The following HK1 variants were observed in gnomAD, a reference collection of about 807,000 sequenced individuals.
HK1 encodes hexokinase 1, also known as hexokinase-1.
A neutral mutation model predicts 91.6 loss-of-function variants in HK1; 28 were observed. That is an observed-to-expected ratio of 0.31 (90% CI 0.23 to 0.42). The LOEUF (loss-of-function observed/expected upper bound fraction) is 0.42. HK1 is among the 10% of genes least tolerant of loss of function. The pLI is 1.00. For synonymous variants in HK1, 430 were observed against 468.1 expected, an observed-to-expected ratio of 0.92 and a Z score of 1.05; for missense variants, 770 against 1,219.8, an observed-to-expected ratio of 0.63 and a Z score of 5.49.
At chr10:69,298,162 G>C (rs1589449159) in intron 4 of HK1, among the ~76,000 whole-genome samples, 1 of 151,572 alleles carries the variant, frequency 6.6e-6, no homozygotes, top group Non-Finnish European at 1.5e-5. Flanking sequence ...AGTGAGCTGA[G>C]ATCATGCCAT....
At chr10:69,346,138 C>T (rs1456327950) in intron 2 of HK1, among the ~76,000 whole-genome samples, 2 of 152,308 alleles carry the variant, frequency 1.3e-5, no homozygotes, top group East Asian at 3.9e-4. Context: ...CTTTATCATC[C>T]AAGAATCAGG....
At chr10:69,311,914 C>T (rs1000404139), upstream of HK1, among the ~76,000 whole-genome samples, 2 of 152,162 alleles carry the variant, frequency 1.3e-5, no homozygotes, top group African/African-American at 2.4e-5. Context: ...GGATTATAGG[C>T]GTGAGCCACC....
chr10:69,324,551 T>A (rs1847216880), intron 1 of HK1, among the ~76,000 whole-genome samples: 1 of 151,888 alleles, frequency 6.6e-6, no homozygotes, highest in South Asian at 2.1e-4. Flanking sequence ...GACACTCCAG[T>A]CTGGGTGACA....
At chr10:69,392,816 GGC>G (rs1017449410) in intron 15 of HK1, among the ~76,000 whole-genome samples, 1 of 152,160 alleles carries the variant, frequency 6.6e-6, no homozygotes, top group Admixed American at 6.5e-5. Context: ...CCTCTGCCAC[GGC>G]CAGGATGAGT....
intron 14 of HK1, among the ~76,000 whole-genome samples, chr10:69,390,345 G>T (rs924983657): frequency 6.6e-6 from 1 of 152,154 alleles, no homozygotes; most frequent in African/African-American, 2.4e-5. Context: ...GGTCAGGCCC[G>T]CCCGTTTCCT....
rs551231993 is a variant in HK1 at position 69,396,216 on chromosome 10, A to C, written c.2375+1111A>C. On this transcript the variant is annotated intron_variant, in intron 16 of 17. Transcript: ENST00000359426. ...GAGCCCGGTGGCGGAGGTTGCAATG[A>C]GCTGAGGTTGCACCACTGCACTCCA... is the stretch of plus-strand genomic sequence containing the variant. Among the ~76,000 whole-genome samples, 5 of 150,286 alleles carry C rather than the reference A, an allele frequency of 3.3e-5. No homozygotes were observed. In the South Asian group the frequency reaches 1.1e-3, roughly 32 times the overall value.
intron 3 of HK1, among the ~76,000 whole-genome samples, chr10:69,294,304 GT>G (rs554160846): frequency 3.4e-4 from 52 of 152,148 alleles, no homozygotes; most frequent in Non-Finnish European, 6.9e-4. Flanking sequence ...TAGTGTGGCT[GT>G]TTTTTGCAAA....
chr10:69,353,201 C>G (rs2132726362), intron 2 of HK1, among the ~76,000 whole-genome samples: 1 of 152,276 alleles, frequency 6.6e-6, no homozygotes, highest in South Asian at 2.1e-4. Flanking sequence ...AACCCCCATG[C>G]CGCCTCCAGG....
intron 8 of HK1, among the ~76,000 whole-genome samples, chr10:69,378,444 T>C (rs1839226515): frequency 6.6e-6 from 1 of 152,150 alleles, no homozygotes; most frequent in African/African-American, 2.4e-5. Flanking sequence ...TTCGTTTTTG[T>C]TTTTGTTTTT....
At chr10:69,360,548 C>A (rs1589538593) in intron 3 of HK1, among the ~76,000 whole-genome samples, 1 of 152,210 alleles carries the variant, frequency 6.6e-6, no homozygotes, top group East Asian at 1.9e-4. Flanking sequence ...ATTTAGAATA[C>A]CATTGCACAA....
intron 17 of HK1, among the ~76,000 whole-genome samples, chr10:69,399,728 T>G (rs549569794): frequency 1.9e-4 from 29 of 152,140 alleles, no homozygotes; most frequent in Non-Finnish European, 3.7e-4. Flanking sequence ...ATGTCTCACC[T>G]TATGAATAGG....
Position 69,288,669 on chromosome 10 carries a change from A to C in HK1, c.-214-2A>C, listed in dbSNP as rs1052996157. On this transcript the variant is annotated splice_acceptor_variant, in intron 2 of 21. Coordinates refer to the HK1 transcript ENST00000360289. LOFTEE classifies it low-confidence loss of function (5UTR_SPLICE). The stretch of plus-strand genomic sequence containing the variant: ...CCTTCTTTGAACTTGGCCTTTCTCT[A>C]GGCGTTCAAGACCCAGCTGTTGAGA... 7 of 1,386,386 alleles carry C rather than the reference A, an allele frequency of 5.0e-6. No homozygotes were observed. In the African/African-American group the frequency reaches 7.1e-5, roughly 14 times the overall value. 85.9% of individuals were successfully genotyped at this position (1,386,386 alleles called of 1,614,324 possible). A position where few individuals can be genotyped will look rare whatever the true frequency, so the allele number is the denominator to read the frequency against.
chr10:69,382,834 C>T (rs768177700), intron 10 of HK1, 43 bp downstream of exon 10: 1 of 1,593,858 alleles, frequency 6.3e-7, no homozygotes, highest in Non-Finnish European at 8.5e-7. Context: ...CTGCTCCTGC[C>T]AGGAACTGAG....
intron 1 of HK1, among the ~76,000 whole-genome samples, chr10:69,339,833 G>C (rs1197819843): frequency 6.6e-6 from 1 of 152,182 alleles, no homozygotes; most frequent in African/African-American, 2.4e-5. Context: ...TTGTATGGAG[G>C]AGCCTTAGAC....
At chr10:69,284,204 T>C (rs886476438) in intron 2 of HK1, among the ~76,000 whole-genome samples, 1 of 152,116 alleles carries the variant, frequency 6.6e-6, no homozygotes, top group Non-Finnish European at 1.5e-5. Flanking sequence ...TGATTTCAAA[T>C]CTCAGCTTGG....
At chr10:69,354,298 A>G (rs1399537382) in intron 2 of HK1, among the ~76,000 whole-genome samples, 2 of 152,184 alleles carry the variant, frequency 1.3e-5, no homozygotes, top group East Asian at 3.9e-4. Context: ...CATACTGTTA[A>G]AAAGAACTGC....
At chr10:69,398,292 A>G (rs1840230768) in intron 16 of HK1, among the ~76,000 whole-genome samples, 1 of 152,250 alleles carries the variant, frequency 6.6e-6, no homozygotes, top group African/African-American at 2.4e-5. Flanking sequence ...ATCACATATC[A>G]AGGATAATCC....
upstream of HK1, chr10:69,318,801 T>C (rs1589474770): frequency 2.0e-5 from 28 of 1,386,362 alleles, no homozygotes; most frequent in African/African-American, 2.2e-4. Context: ...GCGCGCGAGC[T>C]GTCGCCGCGC....
rs143831544 is a variant in HK1, at chr10:69,280,080, G to A, written c.-390-2449G>A. On this transcript the variant is annotated intron_variant, in intron 1 of 21. Coordinates refer to the HK1 transcript ENST00000360289. ...GGCCAAGGGAAGCAGGTCAGATGGAGGTAGATTGCATCTCAGATTTAACTG... is the reference window on the plus strand; with the variant it reads ...GGCCAAGGGAAGCAGGTCAGATGGAAGTAGATTGCATCTCAGATTTAACTG... 5.7e-4 allele frequency among the ~76,000 whole-genome samples: 87 copies of A among 152,244 alleles called. No homozygotes were observed. In the East Asian group the frequency reaches 0.016, roughly 29 times the overall value.
Sources: allele counts gnomAD v4.1 joint callset (sites outside exome capture counted in the v4.1 genomes callset), GRCh38; gene constraint gnomAD v4.1.1; transcripts MANE v1.5; gene names NCBI Gene and HGNC (gene_info 2026-07-23, HGNC 2026-07-21).